TCF12: variants seen among roughly 807,000 people sequenced by gnomAD.
TCF12 encodes transcription factor 12, also known as DNA-binding protein HTF4.
TCF12 carries 45 observed loss-of-function variants against 86.0 expected under a neutral mutation model. The ratio of observed to expected loss-of-function variants is 0.52; its 90% CI spans 0.41 to 0.67. The LOEUF is 0.67. Ranked by LOEUF, TCF12 falls within the 30% of genes least tolerant of loss-of-function variation. The pLI is 0.00. For synonymous variants in TCF12, 330 were observed against 299.6 expected, an observed-to-expected ratio of 1.10 and a Z score of -1.05; for missense variants, 881 against 859.9, an observed-to-expected ratio of 1.02 and a Z score of -0.31.
chr15:57,000,965 A>G (rs1567230373), intron 3 of TCF12, among the ~76,000 whole-genome samples: 1 of 151,256 alleles, frequency 6.6e-6, no homozygotes, highest in East Asian at 1.9e-4. Context: ...CCTTTTCTGT[A>G]ATTATTCTAG....
chr15:56,984,672 C>T (rs1409030679), intron 3 of TCF12, among the ~76,000 whole-genome samples: 1 of 152,102 alleles, frequency 6.6e-6, no homozygotes, highest in Non-Finnish European at 1.5e-5. Flanking sequence ...AGCCATTTTA[C>T]CTTGCCTGTT....
intron 3 of TCF12, among the ~76,000 whole-genome samples, chr15:57,019,672 C>G (rs559334434): frequency 1.1e-4 from 16 of 152,208 alleles, no homozygotes; most frequent in Admixed American, 2.0e-4. Flanking sequence ...TGGAGTCAGT[C>G]TGTTGTCAGA....
intron 5 of TCF12, 33 bp downstream of exon 5, chr15:57,091,924 C>T: frequency 1.3e-6 from 2 of 1,562,266 alleles, no homozygotes; most frequent in Non-Finnish European, 1.8e-6. Context: ...GTAGTCTTCT[C>T]AAAGCTTCTT....
chr15:57,197,539 A>G (rs936325492), intron 7 of TCF12, among the ~76,000 whole-genome samples: 5 of 152,128 alleles, frequency 3.3e-5, no homozygotes, highest in Admixed American at 3.3e-4. Flanking sequence ...ATTTGCTGTC[A>G]TCTTCCCAAA....
At chr15:57,247,110 T>C in intron 13 of TCF12, 1 of 574,208 alleles carries the variant, frequency 1.7e-6, no homozygotes, top group Non-Finnish European at 3.3e-6. Flanking sequence ...ACCACCACCG[T>C]AGTTACCACC....
At chr15:57,143,324 A>G (rs2053125842) in intron 5 of TCF12, among the ~76,000 whole-genome samples, 1 of 152,194 alleles carries the variant, frequency 6.6e-6, no homozygotes, top group Non-Finnish European at 1.5e-5. Flanking sequence ...GCTTATTTGT[A>G]CAGTACACAT....
chr15:57,122,282 T>C (rs2051294409), intron 5 of TCF12, among the ~76,000 whole-genome samples: 1 of 151,976 alleles, frequency 6.6e-6, no homozygotes, highest in Non-Finnish European at 1.5e-5. Context: ...GCTTAAGCAA[T>C]CTTAGGAGAG....
At chr15:56,945,740 A>G (rs2140394765) in intron 3 of TCF12, among the ~76,000 whole-genome samples, 1 of 152,302 alleles carries the variant, frequency 6.6e-6, no homozygotes, top group Non-Finnish European at 1.5e-5. Context: ...TTGAAATTTA[A>G]TTGCCATTGT....
chr15:57,077,133 G>A (rs919475489), intron 4 of TCF12, among the ~76,000 whole-genome samples: 1 of 151,938 alleles, frequency 6.6e-6, no homozygotes, highest in Non-Finnish European at 1.5e-5. Context: ...ACTATTCTAC[G>A]TTCTTTGCAT....
Position 57,253,117 on chromosome 15 carries a change from T to C in TCF12, c.1261-145T>C, listed in dbSNP as rs1187812877. On this transcript the variant is annotated intron_variant, in intron 15 of 20. Transcript: ENST00000333725. ...ATACAGCCTTTTTTTGTTGTTGATT[T>C]ATAGTTCAGGTGGTTGCTTTTGAAG... 3 of 759,232 alleles carry C rather than the reference T, an allele frequency of 4.0e-6. No individual in the cohort carries two copies. In the Admixed American group the frequency reaches 8.2e-5, roughly 21 times the overall value. 47.0% of individuals were successfully genotyped at this position (759,232 alleles called of 1,614,324 possible).
chr15:57,000,515 C>T (rs1357445683), intron 3 of TCF12, among the ~76,000 whole-genome samples: 1 of 152,132 alleles, frequency 6.6e-6, no homozygotes, highest in Non-Finnish European at 1.5e-5. Context: ...AAGTTTGTAG[C>T]ATTGAATGTA....
At chr15:57,236,846 GA>G (rs532267942) in intron 12 of TCF12, among the ~76,000 whole-genome samples, 7,849 of 135,154 alleles carry the variant, frequency 0.058, 261 homozygotes, top group South Asian at 0.087. Flanking sequence ...TAAAAAAAAA[GA>G]AAAAAAAAAA....
chr15:57,154,257 G>A (rs2053965775), intron 5 of TCF12, among the ~76,000 whole-genome samples: 1 of 152,098 alleles, frequency 6.6e-6, no homozygotes, highest in Non-Finnish European at 1.5e-5. Context: ...CATTTAAATA[G>A]TGAACTACTT....
rs567078206 is a variant in TCF12 at position 57,274,789 on chromosome 15, C to T, written c.1978+1527C>T. On this transcript the variant is annotated intron_variant, in intron 19 of 20. Transcript: ENST00000333725. ...TCTTACTGTCTGGTCAACAGGAGTA[C>T]CAGAATTTATTCTAGTACACAGCAC... 4.6e-5 allele frequency among the ~76,000 whole-genome samples: 7 copies of T among 152,278 alleles called. No individual in the cohort carries two copies. In the South Asian group the frequency reaches 1.5e-3, roughly 32 times the overall value.
intron 3 of TCF12, among the ~76,000 whole-genome samples, chr15:57,000,065 T>A (rs1196298271): frequency 6.6e-6 from 1 of 152,114 alleles, no homozygotes; most frequent in Middle Eastern, 3.2e-3. Context: ...ACTAGGAGTA[T>A]TCATTCACTT....
At chr15:57,024,820 C>T (rs2065723603) in intron 3 of TCF12, among the ~76,000 whole-genome samples, 1 of 152,160 alleles carries the variant, frequency 6.6e-6, no homozygotes, top group Non-Finnish European at 1.5e-5. Context: ...CGTCAACAAG[C>T]TCACTTCCCT....
intron 12 of TCF12, among the ~76,000 whole-genome samples, chr15:57,235,286 C>G (rs1305239810): frequency 1.3e-5 from 2 of 152,110 alleles, no homozygotes; most frequent in Non-Finnish European, 2.9e-5. Context: ...TCATTTAATC[C>G]TCAAGAAAGC....
At chr15:57,095,390 T>C (rs2049255496) in intron 5 of TCF12, among the ~76,000 whole-genome samples, 1 of 152,180 alleles carries the variant, frequency 6.6e-6, no homozygotes, top group Non-Finnish European at 1.5e-5. Context: ...ATATTTTTGA[T>C]GATGGGAGGA....
chr15:56,972,859 C>CT (rs2062408409), intron 3 of TCF12, among the ~76,000 whole-genome samples: 1 of 152,120 alleles, frequency 6.6e-6, no homozygotes, highest in Admixed American at 6.5e-5. Flanking sequence ...GGGGAACAGA[C>CT]TAACACAACT....
Sources: gnomAD v4.1 joint callset for allele counts (sites outside exome capture counted in the v4.1 genomes callset) on GRCh38, gnomAD v4.1.1 for gene constraint, MANE v1.5 for transcripts, NCBI Gene and HGNC (gene_info 2026-07-23, HGNC 2026-07-21) for gene names.